Variants in MATN3 observed in about 807,000 individuals in gnomAD.
The protein encoded by MATN3 is matrilin 3, also known as matrilin-3.
A neutral mutation model predicts 45.3 loss-of-function variants in MATN3; 48 were observed. That is an observed-to-expected ratio of 1.06 (90% CI 0.84 to 1.35). MATN3 has a LOEUF of 1.35. Among genes scored for constraint, MATN3 ranks in the 40% most tolerant of loss-of-function variants. The probability of loss-of-function intolerance (pLI) is 0.00; values close to 1 mark genes in which losing one functional copy is unlikely to be tolerated. For missense variants in MATN3, 599 were observed against 628.0 expected (o/e 0.95, Z 0.49); for synonymous variants, 217 against 245.9 (o/e 0.88, Z 1.10).
intron 3 of MATN3, 114 bp from the exon 4 acceptor site, chr2:20,002,194 A>AGC: frequency 1.1e-6 from 1 of 882,140 alleles, no homozygotes; most frequent in East Asian, 3.0e-5. Context: ...ACACACACAG[A>AGC]GCTAATGAAA....
In MATN3 at chr2:19,995,571, G is replaced by A. The variant is rs78942383; in HGVS notation, c.1295-1162C>T. ...CCTAGTTCTTACCAATAAATACTTTGGAACTGAAAATTCACGTTTGTATTG... is the reference window on the plus strand; with the variant it reads ...CCTAGTTCTTACCAATAAATACTTTAGAACTGAAAATTCACGTTTGTATTG... On this transcript the variant is annotated intron_variant, in intron 6 of 7. Transcript: ENST00000407540. The surrounding 1 kb of genome is among the most constrained non-coding windows in gnomAD (Gnocchi z 4.2). Among the ~76,000 whole-genome samples the A allele has an allele frequency of 6.6e-6, 1 of 152,176 alleles. No homozygotes were observed. The highest frequency in any genetic ancestry group is 1.9e-4 in the East Asian group (1 of 5,200).
chr2:19,993,180 A>C lies in MATN3; in HGVS notation c.1406-14T>G, dbSNP rs909107777. The C allele has an allele frequency of 3.1e-6, 5 of 1,590,918 alleles. No homozygotes were observed. The African/African-American group carries it at 6.7e-5, about 21-fold the overall frequency. The stretch of plus-strand genomic sequence containing the variant: ...AAATGTCATCAAGTGGCAAGTTGTT[A>C]AGGCCAACACCATTTATTTTTACAC... On this transcript the variant is annotated splice_polypyrimidine_tract_variant and intron_variant, in intron 7 of 7. Coordinates refer to ENST00000407540, the MANE Select transcript of MATN3 (RefSeq NM_002381.5).
chr2:20,004,858 T>G (rs1673065317), intron 2 of MATN3, among the ~76,000 whole-genome samples: 2 of 152,140 alleles, frequency 1.3e-5, no homozygotes, highest in African/African-American at 4.8e-5. Context: ...AACTAGAAAT[T>G]TGTCCACAAC....
In MATN3 at chr2:19,992,872, G is replaced by T. The variant is rs752533094; in HGVS notation, c.*239C>A. The T allele has an allele frequency of 2.3e-5, 11 of 482,100 alleles. No homozygotes were observed. Among genetic ancestry groups the T allele is most frequent in the Admixed American group, 4.2e-5 (1 of 23,556 alleles). The allele number at this position is 482,100 out of a possible 1,614,324, so 29.9% of individuals were successfully genotyped here. On this transcript the variant is annotated 3_prime_UTR_variant, in exon 8 of 8. Transcript: ENST00000407540. ...TCTATTTCCTACCAATCATTTCACA[G>T]TCATAACTTAGAGACACTAAAGTTT...
At chr2:20,007,152 G>A (rs1673123436) in intron 1 of MATN3, among the ~76,000 whole-genome samples, 1 of 152,072 alleles carries the variant, frequency 6.6e-6, no homozygotes, top group Non-Finnish European at 1.5e-5. Flanking sequence ...AGCTTGCAGT[G>A]AGCTGAGATT....
intron 1 of MATN3, among the ~76,000 whole-genome samples, chr2:20,006,939 C>T (rs2103484419): frequency 6.6e-6 from 1 of 152,340 alleles, no homozygotes; most frequent in Non-Finnish European, 1.5e-5. Flanking sequence ...AAAGTAGAGC[C>T]AGGCGTGGTG....
intron 5 of MATN3, among the ~76,000 whole-genome samples, chr2:20,000,055 C>T (rs1417604102): frequency 1.3e-5 from 2 of 152,152 alleles, no homozygotes; most frequent in Non-Finnish European, 2.9e-5. Context: ...AGAAAAGTTC[C>T]AGGCCAAGTT....
intron 2 of MATN3, among the ~76,000 whole-genome samples, 155 bp downstream of exon 2, chr2:20,005,589 C>T (rs1057019976): frequency 1.3e-4 from 20 of 152,170 alleles, no homozygotes; most frequent in South Asian, 1.2e-3. Flanking sequence ...GTCGCACACA[C>T]GCGCGCATGC....
chr2:20,007,374 C>A (rs1455454412), intron 1 of MATN3, among the ~76,000 whole-genome samples: 1 of 150,546 alleles, frequency 6.6e-6, no homozygotes, highest in African/African-American at 2.4e-5. Flanking sequence ...ACTAAAAATA[C>A]AAAAATTAGC....
chr2:20,005,878 G>T lies in MATN3; in HGVS notation c.656C>A (p.Ala219Asp), dbSNP rs28939677. The T allele has an allele frequency of 1.9e-6, 3 of 1,609,338 alleles. No individual in the cohort carries two copies. The highest frequency in any genetic ancestry group is 1.7e-6 in the Non-Finnish European group (2 of 1,177,826). The change falls in exon 2 of 8, where the codon GCT (alanine) becomes GAT (aspartate). Residue 219 changes from alanine to aspartate, a missense_variant. Ala to Asp is a moderately radical substitution (Grantham distance 126). Coordinates refer to ENST00000407540, the MANE Select transcript of MATN3 (RefSeq NM_002381.5). ...CATGTCTGCCCGGTCCACGCCCACA[G>T]CATAGAGCTCAATACCAGATGCTTG... ...RAQASGIELY[A>D]VGVDRADMAS...
chr2:20,011,254 T>A (rs1673213875), intron 1 of MATN3, among the ~76,000 whole-genome samples: 1 of 152,212 alleles, frequency 6.6e-6, no homozygotes, highest in African/African-American at 2.4e-5. Flanking sequence ...TCCAGTCCCA[T>A]CCCAGAGGGA....
chr2:19,998,023 C>T (rs1002911993), intron 5 of MATN3, among the ~76,000 whole-genome samples: 1 of 152,174 alleles, frequency 6.6e-6, no homozygotes, highest in African/African-American at 2.4e-5. Context: ...GACATAGGTT[C>T]CTCCTCTGCC....
intron 3 of MATN3, 45 bp downstream of exon 3, chr2:20,003,116 T>A: frequency 6.2e-7 from 1 of 1,608,296 alleles, no homozygotes; most frequent in Non-Finnish European, 8.5e-7. Flanking sequence ...GGAGCATAGG[T>A]TCCCAAGTAT....
At chr2:20,005,655 A>C in intron 2 of MATN3, 89 bp downstream of exon 2, 1 of 1,132,952 alleles carries the variant, frequency 8.8e-7, no homozygotes, top group Non-Finnish European at 1.2e-6. Context: ...TTAAATTTCC[A>C]CCAAAAAAGA....
At position 19,992,844 on chromosome 2, in the gene MATN3, C is replaced by T; in HGVS notation, c.*267G>A. On this transcript the variant is annotated 3_prime_UTR_variant, in exon 8 of 8. Transcript: ENST00000407540. ...GTAGATAAAGAAACACTAAACTTTT[C>T]ATTCTATTTCCTACCAATCATTTCA... 2.5e-6 allele frequency: 1 copy of T among 393,972 alleles called. No homozygotes were observed. The allele number at this position is 393,972 out of a possible 1,614,324, so 24.4% of individuals were successfully genotyped here.
At position 19,994,426 on chromosome 2, in the gene MATN3, T is replaced by C. The variant is rs1395422674; in HGVS notation, c.1295-17A>G. 3.0e-6 allele frequency: 4 copies of C among 1,326,458 alleles called. No homozygotes were observed. In the Admixed American group the frequency reaches 5.2e-5, roughly 17 times the overall value. The allele number at this position is 1,326,458 out of a possible 1,614,324, so 82.2% of individuals were successfully genotyped here. On this transcript the variant is annotated splice_polypyrimidine_tract_variant and intron_variant, in intron 6 of 7. Coordinates refer to ENST00000407540, the MANE Select transcript of MATN3 (RefSeq NM_002381.5). Reference sequence around the variant, plus strand: ...CCTCAGTGGCTGAAGACAATGACAGTACACAAATATACTATCTAGGAATAG... The same window carrying C: ...CCTCAGTGGCTGAAGACAATGACAGCACACAAATATACTATCTAGGAATAG...
At chr2:20,007,848 ATTCTTTCCTG>A (rs951633924) in intron 1 of MATN3, among the ~76,000 whole-genome samples, 5 of 152,296 alleles carry the variant, frequency 3.3e-5, no homozygotes, top group African/African-American at 4.8e-5. Context: ...GTGTTCATCT[ATTCTTTCCTG>A]TTCTTTCCTG....
At position 20,012,047 on chromosome 2, in the gene MATN3, G is replaced by C. The variant is rs1673227793; in HGVS notation, c.223+362C>G. Among the ~76,000 whole-genome samples the C allele has an allele frequency of 6.6e-6, 1 of 152,172 alleles. No individual in the cohort carries two copies. The highest frequency in any genetic ancestry group is 1.5e-5 in the Non-Finnish European group (1 of 68,026). On this transcript the variant is annotated intron_variant, in intron 1 of 7. Coordinates refer to ENST00000407540, the MANE Select transcript of MATN3 (RefSeq NM_002381.5). The surrounding 1 kb of genome is among the most constrained non-coding windows in gnomAD (Gnocchi z 4.3). Reference sequence around the variant, plus strand: ...GGATGGAGATGGAGAGATTCCAAGAGAACTAACAGCAGAGTCTCAGGAAGG... The same window carrying C: ...GGATGGAGATGGAGAGATTCCAAGACAACTAACAGCAGAGTCTCAGGAAGG...
intron 4 of MATN3, among the ~76,000 whole-genome samples, chr2:20,001,690 A>G (rs575408886): frequency 1.3e-5 from 2 of 152,262 alleles, no homozygotes; most frequent in Admixed American, 6.5e-5. Flanking sequence ...TGTGATTTCA[A>G]CCTACTGAAT....
Sources: allele counts gnomAD v4.1 joint callset (sites outside exome capture counted in the v4.1 genomes callset), GRCh38; gene constraint gnomAD v4.1.1; non-coding constraint Gnocchi (gnomAD v3.1); transcripts MANE v1.5; gene names NCBI Gene and HGNC (gene_info 2026-07-23, HGNC 2026-07-21).